The following TNKS variants were observed in gnomAD, a reference collection of about 807,000 sequenced individuals.
TNKS encodes tankyrase.
Under a neutral mutation model 135.8 loss-of-function variants are expected in TNKS, and 72 were observed. The ratio of observed to expected loss-of-function variants is 0.53; its 90% CI spans 0.44 to 0.64. The LOEUF is 0.64. Ranked by LOEUF, TNKS falls within the 30% of genes least tolerant of loss-of-function variation. The probability of loss-of-function intolerance (pLI) is 0.00; values close to 1 mark genes in which losing one functional copy is unlikely to be tolerated. For missense variants in TNKS, 1,769 were observed against 1,674.0 expected (o/e 1.06, Z -0.99); for synonymous variants, 849 against 649.3 (o/e 1.31, Z -4.68).
rs138847286 is a variant in TNKS at position 9,748,839 on chromosome 8, C to G, written c.2832+627C>G. Reference sequence around the variant, plus strand: ...GATTCTGTATGTTGGCTAGGAGATTCTTCTGGTCTTACCTGGGGTCACTTG... The same window carrying G: ...GATTCTGTATGTTGGCTAGGAGATTGTTCTGGTCTTACCTGGGGTCACTTG... On this transcript the variant is annotated intron_variant, in intron 18 of 26. Transcript: ENST00000310430. Among the ~76,000 whole-genome samples, 4 of 152,224 alleles carry G rather than the reference C, an allele frequency of 2.6e-5. No individual in the cohort carries two copies. The South Asian group carries it at 8.3e-4, about 32-fold the overall frequency.
At chr8:9,769,212 A>C (rs1296410046) in intron 25 of TNKS, among the ~76,000 whole-genome samples, 1 of 152,228 alleles carries the variant, frequency 6.6e-6, no homozygotes, top group South Asian at 2.1e-4. Context: ...GCTGTGTGCC[A>C]ATAAAATTGT....
At chr8:9,747,001 G>T (rs150950830) in intron 17 of TNKS, among the ~76,000 whole-genome samples, 1 of 148,314 alleles carries the variant, frequency 6.7e-6, no homozygotes, top group African/African-American at 2.5e-5. Flanking sequence ...TCTTGCCTCA[G>T]CCTCCCGAGT....
intron 25 of TNKS, among the ~76,000 whole-genome samples, chr8:9,767,914 G>A (rs1399727090): frequency 6.8e-6 from 1 of 148,136 alleles, no homozygotes; most frequent in African/African-American, 2.5e-5. Context: ...AGCCGAGATC[G>A]CGCCACTGCA....
chr8:9,577,492 A>G (rs7013500), intron 1 of TNKS, among the ~76,000 whole-genome samples: 43,511 of 151,992 alleles, frequency 0.29, 6,625 homozygotes, highest in East Asian at 0.4. Flanking sequence ...CACAGTCGTG[A>G]CGGGAGGTGA....
chr8:9,751,633 A>C lies in TNKS; in HGVS notation c.2857A>C (p.Ile953Leu), dbSNP rs1355792657. Residue 953 changes from isoleucine (I) to leucine (L), a missense_variant, in exon 19 of 27, where the codon ATA (isoleucine) becomes CTA (leucine). Coordinates refer to ENST00000310430, the MANE Select transcript of TNKS (RefSeq NM_003747.3). ...GGCTGACGATATCAGAGCTTTGCTG[A>C]TAGATGCCATGCCCCCAGAGGCCTT... Reference protein sequence around the residue: ...ATADDIRALLIDAMPPEALPT... With the variant: ...ATADDIRALLLDAMPPEALPT... 2 of 1,614,000 alleles carry C rather than the reference A, an allele frequency of 1.2e-6. No individual in the cohort carries two copies. Among genetic ancestry groups the C allele is most frequent in the Non-Finnish European group, 1.7e-6 (2 of 1,180,016 alleles).
intron 20 of TNKS, among the ~76,000 whole-genome samples, chr8:9,759,707 G>A (rs1336658026): frequency 6.6e-6 from 1 of 152,142 alleles, no homozygotes; most frequent in East Asian, 1.9e-4. Context: ...AGGCGCGGTG[G>A]CTCACGCCTG....
chr8:9,634,379 ACTAAT>A (rs1267378589), intron 3 of TNKS, among the ~76,000 whole-genome samples: 2 of 152,202 alleles, frequency 1.3e-5, no homozygotes, highest in Non-Finnish European at 2.9e-5. Context: ...AAAGTAAAGA[ACTAAT>A]CTAAGTAACT....
At chr8:9,730,785 C>T (rs1805397739) in intron 13 of TNKS, 105 bp from the exon 14 acceptor site, 3 of 1,267,448 alleles carry the variant, frequency 2.4e-6, no homozygotes, top group African/African-American at 3.0e-5. Context: ...ATTCATTAGA[C>T]AATTATAATT....
At chr8:9,763,717 C>G (rs552008742) in intron 22 of TNKS, among the ~76,000 whole-genome samples, 1 of 152,102 alleles carries the variant, frequency 6.6e-6, no homozygotes, top group Non-Finnish European at 1.5e-5. Context: ...AGTCACAGTT[C>G]TTCTGAGCCC....
intron 2 of TNKS, among the ~76,000 whole-genome samples, chr8:9,596,907 A>G (rs768198201): frequency 6.6e-6 from 1 of 152,238 alleles, no homozygotes; most frequent in African/African-American, 2.4e-5. Flanking sequence ...TCTCACTGTC[A>G]TAGGTATTTT....
chr8:9,713,976 C>T (rs986205970), intron 11 of TNKS, among the ~76,000 whole-genome samples: 1 of 152,182 alleles, frequency 6.6e-6, no homozygotes, highest in African/African-American at 2.4e-5. Context: ...GGATTCAGCC[C>T]TCTTCCACTG....
At chr8:9,619,016 C>G (rs1042185765) in intron 3 of TNKS, among the ~76,000 whole-genome samples, 1 of 152,136 alleles carries the variant, frequency 6.6e-6, no homozygotes, top group African/African-American at 2.4e-5. Context: ...GTTTTTTGAG[C>G]GAATTCCCTA....
Position 9,568,573 on chromosome 8 carries a change from G to A in TNKS, c.674-11586G>A, listed in dbSNP as rs557255408. Among the ~76,000 whole-genome samples the A allele has an allele frequency of 3.4e-3, 510 of 152,208 alleles. 5 individuals are homozygous for A. Among genetic ancestry groups the A allele is most frequent in the Non-Finnish European group, 5.9e-3 (403 of 67,966 alleles). On this transcript the variant is annotated intron_variant, in intron 1 of 26. Transcript: ENST00000310430. ...GTGTAAACAACATTCTTAATGAAAAGAAGCTATTTTCTAAAGGAAATAATG... is the reference window on the plus strand; with the variant it reads ...GTGTAAACAACATTCTTAATGAAAAAAAGCTATTTTCTAAAGGAAATAATG...
chr8:9,715,644 G>C (rs12114661), intron 11 of TNKS, among the ~76,000 whole-genome samples: 2 of 151,856 alleles, frequency 1.3e-5, no homozygotes, highest in African/African-American at 4.8e-5. Flanking sequence ...CCCAGAGCAA[G>C]GTGGAGGATG....
chr8:9,602,369 T>C (rs59940446), intron 2 of TNKS, among the ~76,000 whole-genome samples: 14,121 of 152,198 alleles, frequency 0.093, 705 homozygotes, highest in South Asian at 0.18. Flanking sequence ...AGTTGTGGAA[T>C]ACCCTGTTTT....
At chr8:9,680,976 G>T in intron 5 of TNKS, 176 bp downstream of exon 5, 1 of 461,124 alleles carries the variant, frequency 2.2e-6, no homozygotes, top group Non-Finnish European at 3.9e-6. Flanking sequence ...TCATAGAACT[G>T]GTGAAGCATG....
At chr8:9,720,569 G>A in intron 12 of TNKS, 24 bp downstream of exon 12, 6 of 1,583,158 alleles carry the variant, frequency 3.8e-6, no homozygotes, top group Non-Finnish European at 5.2e-6. Flanking sequence ...GACCAACAGG[G>A]CATTTTATGT....
In TNKS at chr8:9,778,955, T is replaced by C. The variant is rs1023343069; in HGVS notation, c.*2219T>C. 3.3e-5 allele frequency: 5 copies of C among 152,250 alleles called. No homozygotes were observed. The highest frequency in any genetic ancestry group is 1.2e-4 in the African/African-American group (5 of 41,470). The allele number at this position is 152,250 out of a possible 1,614,324, so 9.4% of individuals were successfully genotyped here. ...AGATGAATGGATGCGCCAGTTTTCATCTTGGTCCTTACACTTGAGAAGTTA... is the reference window on the plus strand; with the variant it reads ...AGATGAATGGATGCGCCAGTTTTCACCTTGGTCCTTACACTTGAGAAGTTA... On this transcript the variant is annotated 3_prime_UTR_variant, in exon 27 of 27. Transcript: ENST00000310430.
At chr8:9,677,905 C>T (rs899277248) in intron 3 of TNKS, among the ~76,000 whole-genome samples, 3 of 152,158 alleles carry the variant, frequency 2.0e-5, no homozygotes, top group African/African-American at 7.2e-5. Context: ...TTCTCCCTGA[C>T]CCTGCTTCAC....
Sources: allele counts gnomAD v4.1 joint callset (sites outside exome capture counted in the v4.1 genomes callset), GRCh38; gene constraint gnomAD v4.1.1; transcripts MANE v1.5; gene names NCBI Gene and HGNC (gene_info 2026-07-23, HGNC 2026-07-21).